GAREM2: variants seen among roughly 807,000 people sequenced by gnomAD.
GAREM2 encodes GRB2 associated regulator of MAPK1 subtype 2.
A neutral mutation model predicts 55.6 loss-of-function variants in GAREM2; 30 were observed. The ratio of observed to expected loss-of-function variants is 0.54; its 90% confidence interval spans 0.40 to 0.73. The LOEUF (loss-of-function observed/expected upper bound fraction) is 0.73. Among genes scored for constraint, GAREM2 ranks in the 30% least tolerant of loss-of-function variants. The pLI is 0.00. For synonymous variants in GAREM2, 550 were observed against 569.1 expected, an observed-to-expected ratio of 0.97 and a Z score of 0.48; for missense variants, 1,075 against 1,257.7, an observed-to-expected ratio of 0.85 and a Z score of 2.20.
At chr2:26,194,018 TTTC>T (rs760685959), downstream of GAREM2, among the ~76,000 whole-genome samples, 3 of 152,206 alleles carry the variant, frequency 2.0e-5, no homozygotes, top group Non-Finnish European at 4.4e-5. Flanking sequence ...AATTCTTCAT[TTTC>T]TTCTTGTTTG....
At chr2:26,194,508 TGAGTTTTA>T, downstream of GAREM2, 1 of 998,166 alleles carries the variant, frequency 1.0e-6, no homozygotes, top group Non-Finnish European at 1.6e-6. Context: ...CTTGACATCA[TGAGTTTTA>T]GAGTGACTGA....
chr2:26,189,058 C>T lies in GAREM2; in HGVS notation c.*801C>T, dbSNP rs538765777. ...GGCGTTCAGTCTCAGAATACTGATTCCGTGGAAGAGCAGGTTGATTTAGGT... is the reference window on the plus strand; with the variant it reads ...GGCGTTCAGTCTCAGAATACTGATTTCGTGGAAGAGCAGGTTGATTTAGGT... On this transcript the variant is annotated 3_prime_UTR_variant, in exon 6 of 6. Coordinates refer to ENST00000401533, the MANE Select transcript of GAREM2 (RefSeq NM_001168241.2). The T allele has an allele frequency of 1.3e-5, 2 of 152,322 alleles. No individual in the cohort carries two copies. Among genetic ancestry groups the T allele is most frequent in the East Asian group, 3.9e-4 (2 of 5,184 alleles). The allele number at this position is 152,322 out of a possible 1,614,324, so 9.4% of individuals were successfully genotyped here.
At chr2:26,180,100 G>A (rs1668994953) in intron 2 of GAREM2, among the ~76,000 whole-genome samples, 1 of 152,124 alleles carries the variant, frequency 6.6e-6, no homozygotes, top group Non-Finnish European at 1.5e-5. Flanking sequence ...CTCTTCCCAG[G>A]AGGGTCCCAG....
intron 4 of GAREM2, 50 bp downstream of exon 4, chr2:26,185,326 G>C (rs1669213963): frequency 6.9e-7 from 1 of 1,454,844 alleles, no homozygotes; most frequent in Non-Finnish European, 9.0e-7. Context: ...AGGGCCCAAA[G>C]CCCGTTCTCC....
chr2:26,174,328 C>T (rs1290453950), intron 1 of GAREM2, among the ~76,000 whole-genome samples: 1 of 152,206 alleles, frequency 6.6e-6, no homozygotes, highest in Non-Finnish European at 1.5e-5. Flanking sequence ...TTCTCTGGCT[C>T]GCGGCCGAGT....
chr2:26,191,506 A>G (rs1276144965), downstream of GAREM2: 4 of 1,614,216 alleles, frequency 2.5e-6, no homozygotes, highest in Non-Finnish European at 3.4e-6. Context: ...CGGGAAGCCA[A>G]GCCCAAAGAC....
downstream of GAREM2, chr2:26,192,550 G>A (rs1012620999): frequency 4.2e-6 from 3 of 712,642 alleles, no homozygotes; most frequent in Non-Finnish European, 7.7e-6. Flanking sequence ...ACTTTGGGAG[G>A]CCGAGGCGGA....
chr2:26,188,486 G>T lies in GAREM2; in HGVS notation c.*229G>T. 1 of 400,086 alleles carries T rather than the reference G, an allele frequency of 2.5e-6. No individual in the cohort carries two copies. The allele number at this position is 400,086 out of a possible 1,614,324, so 24.8% of individuals were successfully genotyped here. ...GTGCAGAGTACATGGGGAAGGGGCTGGGGGCACCACTGTGTACCTGGGCCC... is the reference window on the plus strand; with the variant it reads ...GTGCAGAGTACATGGGGAAGGGGCTTGGGGCACCACTGTGTACCTGGGCCC... On this transcript the variant is annotated 3_prime_UTR_variant, in exon 6 of 6. Transcript: ENST00000401533.
chr2:26,202,682 A>G, the GAREM2 span, among the ~76,000 whole-genome samples: 2 of 152,354 alleles, frequency 1.3e-5, no homozygotes, highest in East Asian at 1.9e-4. Context: ...CAGAGGTTGC[A>G]GTGAGCCAAG....
chr2:26,194,529 G>C (rs180922886), downstream of GAREM2: 108 of 1,144,468 alleles, frequency 9.4e-5, 3 homozygotes, highest in Admixed American at 1.7e-3. Flanking sequence ...GTGACTGAAG[G>C]AGTGGAAGAT....
chr2:26,201,136 G>C, the GAREM2 span: 1 of 1,596,508 alleles, frequency 6.3e-7, no homozygotes, highest in East Asian at 2.2e-5. Flanking sequence ...AAGTACAACA[G>C]CCCCTTGCTT....
At position 26,186,160 on chromosome 2, in the gene GAREM2, G is replaced by A. The variant is rs1301639965; in HGVS notation, c.1429-29G>A. 13 of 1,470,898 alleles carry A rather than the reference G, an allele frequency of 8.8e-6. No individual in the cohort carries two copies. The East Asian group carries it at 1.0e-4, about 12-fold the overall frequency. 91.1% of individuals were successfully genotyped at this position (1,470,898 alleles called of 1,614,324 possible). A position where few individuals can be genotyped will look rare whatever the true frequency, so the allele number is the denominator to read the frequency against. Reference sequence around the variant, plus strand: ...TAAGGAGTGCCAGCTGTTTGGAGTCGAGGTGGAGTCACCGCCCTCTGCTTG... The same window carrying A: ...TAAGGAGTGCCAGCTGTTTGGAGTCAAGGTGGAGTCACCGCCCTCTGCTTG... On this transcript the variant is annotated intron_variant, in intron 4 of 5. Coordinates refer to ENST00000401533, the MANE Select transcript of GAREM2 (RefSeq NM_001168241.2).
chr2:26,181,196 C>A, intron 2 of GAREM2: 1 of 923,566 alleles, frequency 1.1e-6, no homozygotes, highest in Non-Finnish European at 1.3e-6. Flanking sequence ...TAAAGCTTTA[C>A]TGCTTTAGCA....
the GAREM2 span, among the ~76,000 whole-genome samples, chr2:26,203,533 G>GA: frequency 6.6e-6 from 1 of 152,128 alleles, no homozygotes; most frequent in Non-Finnish European, 1.5e-5. Flanking sequence ...CACTGTGGAG[G>GA]GATCAGTTCA....
chr2:26,175,874 C>T (rs1029746163), intron 1 of GAREM2, among the ~76,000 whole-genome samples: 1 of 152,198 alleles, frequency 6.6e-6, no homozygotes, highest in Admixed American at 6.5e-5. Flanking sequence ...GCATCTCCTG[C>T]TCAATAAAGT....
intron 1 of GAREM2, among the ~76,000 whole-genome samples, chr2:26,175,672 A>C (rs1035811192): frequency 2.0e-5 from 3 of 152,194 alleles, no homozygotes; most frequent in African/African-American, 7.2e-5. Context: ...GTGGAAAGGA[A>C]GGGCTGCCCT....
At chr2:26,197,762 AG>A in the GAREM2 span, 1 of 1,524,770 alleles carries the variant, frequency 6.6e-7, no homozygotes, top group South Asian at 1.1e-5. Flanking sequence ...GCAAAGATAC[AG>A]TGATCTGGAA....
chr2:26,174,077 C>T (rs1668784564), intron 1 of GAREM2, among the ~76,000 whole-genome samples: 1 of 149,850 alleles, frequency 6.7e-6, no homozygotes. Context: ...GGGCGGTAGC[C>T]GGGGCTGGCA....
At position 26,173,118 on chromosome 2, in the gene GAREM2, G is replaced by C. The variant is rs987753561; in HGVS notation, c.-103G>C. ...CGGCCCGGCGGGGCTGCCAGGCGGCGAGCGCCGCGGCGGCCCCGGGAGGTG... is the reference window on the plus strand; with the variant it reads ...CGGCCCGGCGGGGCTGCCAGGCGGCCAGCGCCGCGGCGGCCCCGGGAGGTG... On this transcript the variant is annotated 5_prime_UTR_variant, in exon 1 of 6. Transcript: ENST00000401533. 5.1e-6 allele frequency: 1 copy of C among 196,086 alleles called. No individual in the cohort carries two copies. The highest frequency in any genetic ancestry group is 2.4e-5 in the African/African-American group (1 of 41,390). The allele number at this position is 196,086 out of a possible 1,614,324, so 12.1% of individuals were successfully genotyped here.
Sources: allele counts gnomAD v4.1 joint callset (sites outside exome capture counted in the v4.1 genomes callset), GRCh38; gene constraint gnomAD v4.1.1; transcripts MANE v1.5; gene names NCBI Gene and HGNC (gene_info 2026-07-23, HGNC 2026-07-21).